PSD2: variants seen among roughly 807,000 people sequenced by gnomAD.
PSD2 encodes PH and SEC7 domain-containing protein 2.
A neutral mutation model predicts 69.8 loss-of-function variants in PSD2; 38 were observed. The observed-to-expected ratio is 0.54, with a 90% confidence interval of 0.42 to 0.71. PSD2 has a LOEUF of 0.71. Among genes scored for constraint, PSD2 ranks in the 30% least tolerant of loss-of-function variants. The pLI, the probability that PSD2 is intolerant of heterozygous loss-of-function variation, is 0.00. For synonymous variants in PSD2, 412 were observed against 423.0 expected (o/e 0.97, Z 0.32); for missense variants, 943 against 1,014.5 (o/e 0.93, Z 0.96).
Position 139,811,882 on chromosome 5 carries a change from C to T in PSD2, c.372-1427C>T, listed in dbSNP as rs184549063. 7.4e-4 allele frequency among the ~76,000 whole-genome samples: 112 copies of T among 152,118 alleles called. 1 individual carries two copies. Among genetic ancestry groups the T allele is most frequent in the Admixed American group, 1.4e-3 (22 of 15,286 alleles). On this transcript the variant is annotated intron_variant, in intron 2 of 14. Transcript: ENST00000274710. ...TGCTGGGATTACAGCCGTGAGCCAC[C>T]GCGCCTGGCCGTCTGTCTAGCTCTT... is the stretch of plus-strand genomic sequence containing the variant.
chr5:139,792,321 T>G (rs192374479), upstream of PSD2, among the ~76,000 whole-genome samples: 4 of 151,872 alleles, frequency 2.6e-5, no homozygotes, highest in Non-Finnish European at 5.9e-5. Flanking sequence ...GTTTTAGGGG[T>G]CCTCTGAGTC....
chr5:139,768,053 A>T, the PSD2 span, among the ~76,000 whole-genome samples: 2 of 152,238 alleles, frequency 1.3e-5, no homozygotes, highest in African/African-American at 4.8e-5. Context: ...TGGCTCAGAT[A>T]TCTGGCCCCC....
chr5:139,835,629 G>A lies in PSD2; in HGVS notation c.1360-94G>A, dbSNP rs1295857206. Reference sequence around the variant, plus strand: ...CCCACTTTGCCCCATTGGCTGAAAAGGTGCTCCCTCACTGTACCCATGTTA... The same window carrying A: ...CCCACTTTGCCCCATTGGCTGAAAAAGTGCTCCCTCACTGTACCCATGTTA... On this transcript the variant is annotated intron_variant, in intron 8 of 14. Coordinates refer to ENST00000274710, the MANE Select transcript of PSD2 (RefSeq NM_032289.4). 5.4e-6 allele frequency: 7 copies of A among 1,295,582 alleles called. No individual in the cohort carries two copies. In the East Asian group the frequency reaches 1.6e-4, roughly 30 times the overall value. The allele number at this position is 1,295,582 out of a possible 1,614,324, so 80.3% of individuals were successfully genotyped here.
intron 7 of PSD2, among the ~76,000 whole-genome samples, chr5:139,826,736 G>T (rs1760431159): frequency 1.3e-5 from 2 of 152,176 alleles, no homozygotes. Flanking sequence ...GCAGGGTCCA[G>T]GGTGGATTTG....
At chr5:139,825,994 T>C (rs1760408719) in intron 7 of PSD2, among the ~76,000 whole-genome samples, 1 of 151,940 alleles carries the variant, frequency 6.6e-6, no homozygotes, top group Non-Finnish European at 1.5e-5. Context: ...AACTCATGAG[T>C]GTGTGGCATC....
chr5:139,757,781 T>A, the PSD2 span, among the ~76,000 whole-genome samples: 1 of 152,138 alleles, frequency 6.6e-6, no homozygotes, highest in East Asian at 1.9e-4. Flanking sequence ...ACCTCTGTCC[T>A]CTCCCCAGCA....
intron 1 of PSD2, among the ~76,000 whole-genome samples, chr5:139,805,517 T>A (rs546803788): frequency 2.6e-5 from 4 of 152,096 alleles, no homozygotes; most frequent in Admixed American, 2.0e-4. Context: ...ACTTACATCC[T>A]AGTACAGAGA....
intron 14 of PSD2, among the ~76,000 whole-genome samples, chr5:139,840,502 G>A (rs1056657313): frequency 7.3e-5 from 11 of 151,124 alleles, no homozygotes; most frequent in East Asian, 1.9e-4. Flanking sequence ...ATTGCAAAAC[G>A]TTTTAATCTT....
At chr5:139,840,234 T>C in intron 14 of PSD2, 64 bp downstream of exon 14, 1 of 1,577,030 alleles carries the variant, frequency 6.3e-7, no homozygotes, top group Non-Finnish European at 8.7e-7. Flanking sequence ...CTGCCTGGCC[T>C]GATGTGGGAC....
intron 5 of PSD2, among the ~76,000 whole-genome samples, chr5:139,820,442 C>T (rs768016985): frequency 6.6e-6 from 1 of 152,044 alleles, no homozygotes; most frequent in Non-Finnish European, 1.5e-5. Flanking sequence ...CAGTTGGTTG[C>T]TTGGGATTGG....
the PSD2 span, among the ~76,000 whole-genome samples, chr5:139,768,597 C>A: frequency 3.3e-5 from 5 of 152,038 alleles, no homozygotes; most frequent in East Asian, 9.6e-4. Context: ...GTGGCGCATG[C>A]CTGTAATCCC....
the PSD2 span, among the ~76,000 whole-genome samples, chr5:139,760,919 C>T: frequency 1.3e-5 from 2 of 152,148 alleles, no homozygotes; most frequent in Non-Finnish European, 2.9e-5. Context: ...CAGCCTGCCC[C>T]GGGGATCTCC....
chr5:139,779,312 C>T, the PSD2 span, among the ~76,000 whole-genome samples: 1 of 152,234 alleles, frequency 6.6e-6, no homozygotes, highest in Admixed American at 6.5e-5. Context: ...TTCAGACATA[C>T]AAAAAAGTTG....
At chr5:139,764,490 G>T in the PSD2 span, among the ~76,000 whole-genome samples, 1 of 152,150 alleles carries the variant, frequency 6.6e-6, no homozygotes, top group Non-Finnish European at 1.5e-5. Flanking sequence ...AGCCTGGCGC[G>T]CCCGCTCCCT....
chr5:139,787,794 C>T, the PSD2 span, among the ~76,000 whole-genome samples: 3 of 152,238 alleles, frequency 2.0e-5, no homozygotes, highest in African/African-American at 7.2e-5. Flanking sequence ...GTCTCTGGCA[C>T]AAGGAAGAGG....
intron 1 of PSD2, among the ~76,000 whole-genome samples, chr5:139,805,678 C>T (rs1473200037): frequency 1.3e-5 from 2 of 152,162 alleles, no homozygotes; most frequent in Admixed American, 6.5e-5. Flanking sequence ...GCAGAAGAAG[C>T]TCTTTTAAAG....
At chr5:139,804,908 T>C (rs1759761311) in intron 1 of PSD2, among the ~76,000 whole-genome samples, 1 of 151,760 alleles carries the variant, frequency 6.6e-6, no homozygotes, top group Non-Finnish European at 1.5e-5. Flanking sequence ...TGCGTGCGTG[T>C]GTGCATGTCT....
chr5:139,780,035 A>C, the PSD2 span, among the ~76,000 whole-genome samples: 345 of 152,148 alleles, frequency 2.3e-3, 2 homozygotes, highest in African/African-American at 7.9e-3. Flanking sequence ...TTTCTTGGGG[A>C]CTCGAGTGGA....
chr5:139,784,905 C>T, the PSD2 span, among the ~76,000 whole-genome samples: 3 of 152,090 alleles, frequency 2.0e-5, no homozygotes, highest in African/African-American at 4.8e-5. Context: ...CAGGTGTGCA[C>T]CACCACGCCT....
Sources: gnomAD v4.1 joint callset for allele counts (sites outside exome capture counted in the v4.1 genomes callset) on GRCh38, gnomAD v4.1.1 for gene constraint, MANE v1.5 for transcripts, NCBI Gene and HGNC (gene_info 2026-07-23, HGNC 2026-07-21) for gene names.